The following TSHZ2 variants were observed in gnomAD, a reference collection of about 807,000 sequenced individuals.
The protein encoded by TSHZ2 is teashirt zinc finger homeobox 2.
In TSHZ2, 21 loss-of-function variants were observed where a neutral mutation model predicts 74.4. That is an observed-to-expected ratio of 0.28 (90% CI 0.20 to 0.41). The LOEUF is 0.41. Among genes scored for constraint, TSHZ2 ranks in the 10% least tolerant of loss-of-function variants. The pLI is 1.00. For synonymous variants in TSHZ2, 540 were observed against 515.3 expected, an observed-to-expected ratio of 1.05 and a Z score of -0.65; for missense variants, 1,244 against 1,293.5, an observed-to-expected ratio of 0.96 and a Z score of 0.59.
chr20:53,161,129 G>GAAA (rs1470010170), intron 1 of TSHZ2, among the ~76,000 whole-genome samples: 1 of 20,024 alleles, frequency 5.0e-5, no homozygotes, highest in African/African-American at 3.4e-4. Context: ...GTTATTTTCA[G>GAAA]CAAAAAAAAA....
At chr20:53,304,292 G>GT (rs2054192043) in intron 2 of TSHZ2, among the ~76,000 whole-genome samples, 1 of 149,300 alleles carries the variant, frequency 6.7e-6, no homozygotes, top group South Asian at 2.1e-4. Flanking sequence ...TTATTGGAAG[G>GT]TAGAGGTGAG....
chr20:53,115,643 A>G (rs1013304195), intron 1 of TSHZ2, among the ~76,000 whole-genome samples: 2 of 152,174 alleles, frequency 1.3e-5, no homozygotes, highest in Non-Finnish European at 2.9e-5. Context: ...GACACAGAGC[A>G]AAGGAATTGA....
intron 2 of TSHZ2, among the ~76,000 whole-genome samples, chr20:53,459,963 G>A (rs1488854527): frequency 3.9e-4 from 60 of 152,168 alleles, no homozygotes; most frequent in African/African-American, 9.2e-4. Context: ...AGGGTAACCC[G>A]ACCTTTCTCT....
At chr20:53,027,793 C>T (rs1298484034) in intron 1 of TSHZ2, among the ~76,000 whole-genome samples, 2 of 152,052 alleles carry the variant, frequency 1.3e-5, no homozygotes, top group Non-Finnish European at 2.9e-5. Context: ...CCTGAAGGGA[C>T]TTGAAACCCA....
intron 1 of TSHZ2, among the ~76,000 whole-genome samples, chr20:53,081,595 A>G (rs1600680693): frequency 6.6e-6 from 1 of 151,884 alleles, no homozygotes; most frequent in Non-Finnish European, 1.5e-5. Context: ...TCCAGGTAAC[A>G]CTCCTCCCAC....
intron 1 of TSHZ2, among the ~76,000 whole-genome samples, chr20:53,003,893 T>G (rs1982536015): frequency 6.6e-6 from 1 of 152,012 alleles, no homozygotes; most frequent in South Asian, 2.1e-4. Context: ...TTTTTTTCTT[T>G]TTCTTTTTTT....
At chr20:53,366,138 AAG>A (rs1212889813) in intron 2 of TSHZ2, among the ~76,000 whole-genome samples, 1 of 152,188 alleles carries the variant, frequency 6.6e-6, no homozygotes, top group East Asian at 1.9e-4. Flanking sequence ...TCACCTGAAA[AAG>A]AGAGTTATTT....
rs574163969 is a variant in TSHZ2, at chr20:53,327,422, T to C, written c.*8+70851T>C. Reference sequence around the variant, plus strand: ...GAGAATGGCATGAACCCGGGAGGCGTAGATTGCAGTGAGCCAAAATGGCGC... The same window carrying C: ...GAGAATGGCATGAACCCGGGAGGCGCAGATTGCAGTGAGCCAAAATGGCGC... On this transcript the variant is annotated intron_variant, in intron 2 of 2. Coordinates refer to ENST00000371497, the MANE Select transcript of TSHZ2 (RefSeq NM_173485.6). Among the ~76,000 whole-genome samples, 5 of 152,122 alleles carry C rather than the reference T, an allele frequency of 3.3e-5. No individual in the cohort carries two copies. In the South Asian group the frequency reaches 1.0e-3, roughly 32 times the overall value.
chr20:53,441,309 A>C (rs1984314908), intron 2 of TSHZ2, among the ~76,000 whole-genome samples: 1 of 147,808 alleles, frequency 6.8e-6, no homozygotes, highest in Non-Finnish European at 1.5e-5. Flanking sequence ...TCTGTTGCCC[A>C]GGCTGGAGTG....
intron 1 of TSHZ2, among the ~76,000 whole-genome samples, chr20:53,048,402 A>G (rs903166199): frequency 2.6e-5 from 4 of 152,144 alleles, no homozygotes; most frequent in African/African-American, 9.7e-5. Flanking sequence ...TCTGTCTGGG[A>G]AGGCATTCCC....
intron 1 of TSHZ2, among the ~76,000 whole-genome samples, chr20:53,080,029 G>C (rs1347639325): frequency 6.6e-6 from 1 of 152,096 alleles, no homozygotes; most frequent in Non-Finnish European, 1.5e-5. Context: ...TGAATTTCCA[G>C]ACTAGCTCAG....
At chr20:53,216,983 G>T (rs1600747250) in intron 1 of TSHZ2, among the ~76,000 whole-genome samples, 1 of 152,222 alleles carries the variant, frequency 6.6e-6, no homozygotes, top group East Asian at 1.9e-4. Flanking sequence ...TTTCCAAAGA[G>T]GCCGTGTCTT....
chr20:53,473,597 C>G (rs1462652896), intron 2 of TSHZ2, among the ~76,000 whole-genome samples: 1 of 146,156 alleles, frequency 6.8e-6, no homozygotes, highest in Non-Finnish European at 1.5e-5. Flanking sequence ...AAACGCAGAG[C>G]GCCTCTCCTC....
intron 2 of TSHZ2, among the ~76,000 whole-genome samples, chr20:53,438,410 T>A (rs1984178246): frequency 1.3e-5 from 2 of 152,156 alleles, no homozygotes; most frequent in African/African-American, 4.8e-5. Context: ...GGCATAATTT[T>A]CATGTGGTGG....
chr20:53,473,931 A>G lies in TSHZ2; in HGVS notation c.*9-13213A>G, dbSNP rs572351019. ...AGCGATGGAAGATGAAATGAATGAA[A>G]TGAAGCGAGAAGAGAAGTTTAGAGA... On this transcript the variant is annotated intron_variant, in intron 2 of 2. Transcript: ENST00000371497. Among the ~76,000 whole-genome samples, 3 of 152,298 alleles carry G rather than the reference A, an allele frequency of 2.0e-5. No homozygotes were observed. In the South Asian group the frequency reaches 6.2e-4, roughly 32 times the overall value.
At chr20:53,289,187 T>C (rs112108452) in intron 2 of TSHZ2, among the ~76,000 whole-genome samples, 6 of 151,998 alleles carry the variant, frequency 3.9e-5, no homozygotes. Flanking sequence ...GGTGTATATA[T>C]ACCACATTTT....
chr20:53,321,243 A>G (rs1007219713), intron 2 of TSHZ2, among the ~76,000 whole-genome samples: 10 of 152,288 alleles, frequency 6.6e-5, no homozygotes, highest in Admixed American at 6.5e-5. Flanking sequence ...CTTTAGCAAA[A>G]TTAAAGTTTG....
chr20:53,067,004 A>G (rs1001970177), intron 1 of TSHZ2, among the ~76,000 whole-genome samples: 1 of 152,214 alleles, frequency 6.6e-6, no homozygotes, highest in African/African-American at 2.4e-5. Context: ...ATCCACCAAC[A>G]ATGTTTAGAA....
At chr20:53,304,727 G>A (rs1978451682) in intron 2 of TSHZ2, among the ~76,000 whole-genome samples, 1 of 152,118 alleles carries the variant, frequency 6.6e-6, no homozygotes, top group African/African-American at 2.4e-5. Context: ...TGCCTCCCGG[G>A]TTCAAGTGAT....
Sources: allele counts gnomAD v4.1 joint callset (sites outside exome capture counted in the v4.1 genomes callset), GRCh38; gene constraint gnomAD v4.1.1; transcripts MANE v1.5; gene names NCBI Gene and HGNC (gene_info 2026-07-23, HGNC 2026-07-21).